The following CUL4A variants were observed in gnomAD, a reference collection of about 807,000 sequenced individuals.
The protein encoded by CUL4A is cullin-4A.
In CUL4A, 16 loss-of-function variants were observed where a neutral mutation model predicts 95.5. The ratio of observed to expected loss-of-function variants is 0.17; its 90% CI spans 0.11 to 0.25. The LOEUF is 0.25. Among genes scored for constraint, CUL4A ranks in the 10% least tolerant of loss-of-function variants. The pLI is 1.00. For synonymous variants in CUL4A, 380 were observed against 353.1 expected, an observed-to-expected ratio of 1.08 and a Z score of -0.85; for missense variants, 610 against 937.0, an observed-to-expected ratio of 0.65 and a Z score of 4.56.
chr13:113,208,847 C>T, upstream of CUL4A: 1 of 1,405,808 alleles, frequency 7.1e-7, no homozygotes, highest in Non-Finnish European at 9.2e-7. Flanking sequence ...TCCTCTCAGC[C>T]GGGACGCCAG....
At chr13:113,219,342 T>TTTC (rs1373264835) in intron 3 of CUL4A, 5 of 258,520 alleles carry the variant, frequency 1.9e-5, no homozygotes, top group African/African-American at 1.1e-4. Context: ...CTGCATTGGC[T>TTTC]TTCTGTGATA....
intron 7 of CUL4A, 38 bp from the exon 8 acceptor site, chr13:113,235,025 T>G (rs746792639): frequency 7.0e-7 from 1 of 1,430,890 alleles, no homozygotes; most frequent in Non-Finnish European, 9.7e-7. Flanking sequence ...GTCGACATTC[T>G]TTTTGTTACT....
intron 3 of CUL4A, among the ~76,000 whole-genome samples, chr13:113,223,628 C>A (rs932767969): frequency 6.6e-6 from 1 of 152,200 alleles, no homozygotes; most frequent in African/African-American, 2.4e-5. Context: ...AATTTGCGAT[C>A]TTGGATTATC....
intron 3 of CUL4A, among the ~76,000 whole-genome samples, chr13:113,224,935 G>T (rs772162706): frequency 6.6e-6 from 1 of 152,252 alleles, no homozygotes; most frequent in Non-Finnish European, 1.5e-5. Flanking sequence ...ACAGGCAGCA[G>T]ATGGGCCACT....
chr13:113,220,694 A>G (rs2040864032), intron 3 of CUL4A, among the ~76,000 whole-genome samples: 1 of 152,214 alleles, frequency 6.6e-6, no homozygotes, highest in East Asian at 1.9e-4. Flanking sequence ...TTACCTGATC[A>G]AATGAATCTT....
In CUL4A at chr13:113,239,428, CT is replaced by C; in HGVS notation, c.917-4del. On this transcript the variant is annotated splice_region_variant and splice_polypyrimidine_tract_variant and intron_variant, in intron 9 of 19. Transcript: ENST00000375440. Reference sequence around the variant, plus strand: ...TACTCTGCTGACGTGTACTGCACATCTCAGGGCTCGACCACTTACTGGATGA... The same window carrying C: ...TACTCTGCTGACGTGTACTGCACATCCAGGGCTCGACCACTTACTGGATGA... 1 of 1,612,810 alleles carries C rather than the reference CT, an allele frequency of 6.2e-7. No homozygotes were observed. The highest frequency in any genetic ancestry group is 8.5e-7 in the Non-Finnish European group (1 of 1,178,930).
intron 15 of CUL4A, among the ~76,000 whole-genome samples, chr13:113,248,968 G>C (rs907144951): frequency 6.6e-6 from 1 of 152,152 alleles, no homozygotes; most frequent in African/African-American, 2.4e-5. Flanking sequence ...CATGGACACA[G>C]AAGGCCAGTG....
intron 19 of CUL4A, among the ~76,000 whole-genome samples, chr13:113,261,330 G>A (rs964796611): frequency 2.0e-5 from 3 of 152,106 alleles, no homozygotes; most frequent in Admixed American, 1.3e-4. Flanking sequence ...CTCTGATGAC[G>A]CCTGGCCTCT....
At chr13:113,262,484 C>G (rs1346353061) in intron 19 of CUL4A, among the ~76,000 whole-genome samples, 1 of 152,114 alleles carries the variant, frequency 6.6e-6, no homozygotes, top group Non-Finnish European at 1.5e-5. Context: ...GACCCCTTCT[C>G]TACAAAAAAT....
intron 16 of CUL4A, 39 bp from the exon 17 acceptor site, chr13:113,254,654 T>C: frequency 7.4e-7 from 1 of 1,343,480 alleles, no homozygotes; most frequent in Non-Finnish European, 1.0e-6. Context: ...AGATTGTACA[T>C]GCACAGCTTC....
chr13:113,238,780 A>G (rs1466126149), intron 9 of CUL4A, among the ~76,000 whole-genome samples: 1 of 152,224 alleles, frequency 6.6e-6, no homozygotes, highest in East Asian at 1.9e-4. Flanking sequence ...TGCCCAGTGT[A>G]GGCAGAATCT....
At chr13:113,260,503 T>G in intron 18 of CUL4A, 104 bp from the exon 19 acceptor site, 1 of 1,029,370 alleles carries the variant, frequency 9.7e-7, no homozygotes, top group Non-Finnish European at 1.4e-6. Context: ...TGAGCCGAGA[T>G]CACACCATTG....
chr13:113,233,888 G>A lies in CUL4A; in HGVS notation c.676-9G>A, dbSNP rs191786197. On this transcript the variant is annotated splice_polypyrimidine_tract_variant and intron_variant, in intron 6 of 19. Transcript: ENST00000375440. ...CTGAAATTGGTCAGTAACTCTGCTT[G>A]TTTCTTAGGTGTATAAAGATTCATT... 2.0e-6 allele frequency: 3 copies of A among 1,484,632 alleles called. No homozygotes were observed. Among genetic ancestry groups the A allele is most frequent in the Non-Finnish European group, 2.8e-6 (3 of 1,063,980 alleles). 92.0% of individuals were successfully genotyped at this position (1,484,632 alleles called of 1,614,324 possible).
chr13:113,259,565 A>C (rs932772897), intron 18 of CUL4A, among the ~76,000 whole-genome samples: 2 of 152,202 alleles, frequency 1.3e-5, no homozygotes, highest in Non-Finnish European at 2.9e-5. Context: ...TCAAAAAATC[A>C]ATTTTATCAT....
At chr13:113,256,749 A>G (rs2042129476) in intron 18 of CUL4A, among the ~76,000 whole-genome samples, 1 of 151,932 alleles carries the variant, frequency 6.6e-6, no homozygotes, top group Non-Finnish European at 1.5e-5. Flanking sequence ...TTTGCCACAC[A>G]CCTGTAAGCA....
chr13:113,249,833 C>G (rs1293416699), intron 15 of CUL4A, among the ~76,000 whole-genome samples: 3 of 152,192 alleles, frequency 2.0e-5, no homozygotes, highest in Non-Finnish European at 2.9e-5. Context: ...TTTGCATTTC[C>G]CTGATGACTG....
chr13:113,248,821 G>A (rs761290817), intron 15 of CUL4A, among the ~76,000 whole-genome samples: 21 of 152,312 alleles, frequency 1.4e-4, no homozygotes, highest in Non-Finnish European at 2.6e-4. Flanking sequence ...TAACAGACCT[G>A]TCTGTTCAGA....
Position 113,210,135 on chromosome 13 carries a change from C to T in CUL4A, c.264+47C>T, listed in dbSNP as rs1329349297. 3.1e-6 allele frequency: 4 copies of T among 1,310,330 alleles called. No homozygotes were observed. In the Admixed American group the frequency reaches 1.1e-4, roughly 36 times the overall value. 81.2% of individuals were successfully genotyped at this position (1,310,330 alleles called of 1,614,324 possible). On this transcript the variant is annotated intron_variant, in intron 2 of 19. Transcript: ENST00000375440. ...GGGACGCCGCTCCTGCCCCGCGTGACGCAGACGCGGCCGGGCGGCCGCTCC... is the reference window on the plus strand; with the variant it reads ...GGGACGCCGCTCCTGCCCCGCGTGATGCAGACGCGGCCGGGCGGCCGCTCC...
chr13:113,255,500 A>G (rs1233592040), intron 18 of CUL4A, among the ~76,000 whole-genome samples: 1 of 152,178 alleles, frequency 6.6e-6, no homozygotes, highest in Non-Finnish European at 1.5e-5. Flanking sequence ...TTATGTATCC[A>G]CCATTATAGG....
Sources: allele counts gnomAD v4.1 joint callset (sites outside exome capture counted in the v4.1 genomes callset), GRCh38; gene constraint gnomAD v4.1.1; transcripts MANE v1.5; gene names NCBI Gene and HGNC (gene_info 2026-07-23, HGNC 2026-07-21).